Variants in NOLC1 observed in about 807,000 individuals in gnomAD.
The protein encoded by NOLC1 is nucleolar and coiled-body phosphoprotein 1.
A neutral mutation model predicts 73.4 loss-of-function variants in NOLC1; 37 were observed. The ratio of observed to expected loss-of-function variants is 0.50; its 90% confidence interval spans 0.39 to 0.66. The LOEUF is 0.66. Among genes scored for constraint, NOLC1 ranks in the 30% least tolerant of loss-of-function variants. NOLC1 has a pLI of 0.00. For synonymous variants in NOLC1, 327 were observed against 302.6 expected (o/e 1.08, Z -0.84); for missense variants, 921 against 838.9 (o/e 1.10, Z -1.21).
chr10:102,158,939 A>AC (rs2069648244), intron 5 of NOLC1, among the ~76,000 whole-genome samples: 2 of 151,788 alleles, frequency 1.3e-5, no homozygotes, highest in Non-Finnish European at 2.9e-5. Context: ...TACTAAAAAT[A>AC]TAAAAATTAG....
At chr10:102,158,642 AG>A (rs1241865593) in intron 5 of NOLC1, among the ~76,000 whole-genome samples, 2 of 152,040 alleles carry the variant, frequency 1.3e-5, no homozygotes, top group East Asian at 3.9e-4. Flanking sequence ...CTCTGAATGG[AG>A]GTTGAAGTGA....
In NOLC1 at chr10:102,159,211, T is replaced by C; in HGVS notation, c.626T>C (p.Ile209Thr). The C allele has an allele frequency of 1.2e-6, 2 of 1,612,982 alleles. No homozygotes were observed. Among genetic ancestry groups the C allele is most frequent in the Non-Finnish European group, 1.7e-6 (2 of 1,179,794 alleles). The change falls in exon 6 of 13, where the codon ATA (isoleucine) becomes ACA (threonine). Residue 209 changes from isoleucine (I) to threonine (T), a missense_variant. Ile to Thr is a moderately conservative substitution (Grantham distance 89). Coordinates refer to ENST00000605788, the MANE Select transcript of NOLC1 (RefSeq NM_004741.5). ...ATTCCAGCTCGAGCAGCACCTAAAA[T>C]AGCCAATGGTAAAGCAGCCAGTAGC... is the stretch of plus-strand genomic sequence containing the variant. ...PPKPARAAPKIANGKAASSSS... is the reference protein window; with the variant it reads ...PPKPARAAPKTANGKAASSSS...
At position 102,158,213 on chromosome 10, in the gene NOLC1, A is replaced by G. The variant is rs908648107; in HGVS notation, c.606A>G (p.Pro202=). The G allele has an allele frequency of 3.7e-6, 6 of 1,613,534 alleles. No individual in the cohort carries two copies. The highest frequency in any genetic ancestry group is 5.1e-6 in the Non-Finnish European group (6 of 1,179,778). ...CTCAGACTAAAGCCCCTCCCAAACC[A>G]GGTACTGTTTCTGTTCCCAAGAGGC... ...VKAQTKAPPK[P]ARAAPKIANG... is the part of the protein sequence containing the mutation. Residue 202 remains proline, a splice_region_variant and synonymous_variant, in exon 5 of 13, where the codon CCA becomes CCG. Coordinates refer to ENST00000605788, the MANE Select transcript of NOLC1 (RefSeq NM_004741.5).
At chr10:102,158,020 G>GAT in intron 4 of NOLC1, 29 bp from the exon 5 acceptor site, 1 of 1,600,660 alleles carries the variant, frequency 6.2e-7, no homozygotes, top group African/African-American at 1.3e-5. Flanking sequence ...AGCTTTTGCT[G>GAT]ATTTCTCTCC....
At chr10:102,152,823 G>A (rs2069528945) in intron 1 of NOLC1, among the ~76,000 whole-genome samples, 1 of 152,244 alleles carries the variant, frequency 6.6e-6, no homozygotes, top group Admixed American at 6.5e-5. Context: ...AGAGTGCAGC[G>A]GGGAGGTAGA....
In NOLC1 at chr10:102,160,980, C is replaced by G. The variant is rs776271995; in HGVS notation, c.1628C>G (p.Ala543Gly). ...GGCAAGGGCTCTCCAAGACCACAAGCCCCCAAGGCCAATGGCACCTCTGCA... is the reference window on the plus strand; with the variant it reads ...GGCAAGGGCTCTCCAAGACCACAAGGCCCCAAGGCCAATGGCACCTCTGCA... ...LKGKGSPRPQ[A>G]PKANGTSALT... Residue 543 changes from alanine to glycine, a missense_variant, in exon 10 of 13, where the codon GCC becomes GGC. Transcript: ENST00000605788. The G allele has an allele frequency of 1.9e-6, 3 of 1,614,164 alleles. No homozygotes were observed. Among genetic ancestry groups the G allele is most frequent in the African/African-American group, 2.7e-5 (2 of 75,038 alleles).
chr10:102,159,154 C>G (rs1429223693), intron 5 of NOLC1, 39 bp from the exon 6 acceptor site: 2 of 1,606,924 alleles, frequency 1.2e-6, no homozygotes, highest in South Asian at 1.1e-5. Flanking sequence ...CTGACTTGCC[C>G]TAATACTCCT....
At chr10:102,158,547 C>G (rs2069640828) in intron 5 of NOLC1, among the ~76,000 whole-genome samples, 1 of 151,928 alleles carries the variant, frequency 6.6e-6, no homozygotes, top group Non-Finnish European at 1.5e-5. Context: ...TTTTCACTGC[C>G]ATTTTTACTC....
intron 10 of NOLC1, 115 bp downstream of exon 10, chr10:102,161,208 A>C: frequency 9.0e-7 from 1 of 1,112,060 alleles, no homozygotes; most frequent in Non-Finnish European, 1.3e-6. Context: ...CAGTTGTGGA[A>C]ACTGGGAGGA....
At chr10:102,159,056 C>T (rs1285386012) in intron 5 of NOLC1, 137 bp from the exon 6 acceptor site, 1 of 946,034 alleles carries the variant, frequency 1.1e-6, no homozygotes, top group Non-Finnish European at 1.5e-6. Flanking sequence ...CAGAGCCAGA[C>T]TCCGTCTCCA....
chr10:102,161,301 G>A (rs1434649636), intron 10 of NOLC1, among the ~76,000 whole-genome samples: 1 of 151,774 alleles, frequency 6.6e-6, no homozygotes, highest in African/African-American at 2.4e-5. Context: ...GCATGATCAC[G>A]GCTTGTGCAG....
chr10:102,152,842 C>T (rs1455333460), intron 1 of NOLC1, among the ~76,000 whole-genome samples: 2 of 152,196 alleles, frequency 1.3e-5, no homozygotes, highest in African/African-American at 2.4e-5. Context: ...GAGTCTTGTT[C>T]CACTGAGGAC....
Position 102,159,528 on chromosome 10 carries a change from C to T in NOLC1, c.819C>T (p.Asp273=), listed in dbSNP as rs751566182. The part of the protein sequence containing the change: ...KSSSSEDSSS[D]EEEEQKKPMK... The stretch of plus-strand genomic sequence containing the variant: ...CTAGCAGTGAGGATTCCTCCAGTGA[C>T]GAGGAAGAGGAGCAAAAAAAACCCA... The change falls in exon 7 of 13, where the codon GAC becomes GAT. Residue 273 remains aspartate (D), a synonymous_variant. Coordinates refer to ENST00000605788, the MANE Select transcript of NOLC1 (RefSeq NM_004741.5). 1.9e-5 allele frequency: 30 copies of T among 1,613,912 alleles called. No homozygotes were observed. The highest frequency in any genetic ancestry group is 1.3e-4 in the Admixed American group (8 of 59,976).
chr10:102,158,598 T>C (rs2069641956), intron 5 of NOLC1, among the ~76,000 whole-genome samples: 1 of 152,240 alleles, frequency 6.6e-6, no homozygotes, highest in Non-Finnish European at 1.5e-5. Context: ...ATTTTTCTTT[T>C]TTTCTGTAAC....
intron 6 of NOLC1, 45 bp downstream of exon 6, chr10:102,159,353 A>T (rs1564970192): frequency 7.4e-6 from 12 of 1,613,600 alleles, no homozygotes; most frequent in Non-Finnish European, 1.0e-5. Flanking sequence ...CCAGGGTGTG[A>T]TGTGTGTGTG....
At chr10:102,160,111 G>T in intron 8 of NOLC1, 87 bp downstream of exon 8, 1 of 1,587,422 alleles carries the variant, frequency 6.3e-7, no homozygotes, top group Non-Finnish European at 8.6e-7. Context: ...TCCATCCTTC[G>T]GTTGCTTTTT....
intron 5 of NOLC1, 37 bp from the exon 6 acceptor site, chr10:102,159,156 A>T: frequency 1.2e-6 from 2 of 1,609,600 alleles, no homozygotes; most frequent in Non-Finnish European, 1.7e-6. Context: ...GACTTGCCCT[A>T]ATACTCCTTA....
At position 102,159,169 on chromosome 10, in the gene NOLC1, CTTTCTT is replaced by C. The variant is rs1164355226; in HGVS notation, c.608-17_608-12del. The C allele has an allele frequency of 9.4e-6, 15 of 1,595,222 alleles. No homozygotes were observed. The highest frequency in any genetic ancestry group is 1.3e-5 in the Non-Finnish European group (15 of 1,168,634). ...CTGACTTGCCCTAATACTCCTTACT[CTTTCTT>C]TTTCTTGGGTATTCCAGCTCGAGCA... On this transcript the variant is annotated intron_variant, in intron 5 of 12. Coordinates refer to ENST00000605788, the MANE Select transcript of NOLC1 (RefSeq NM_004741.5).
chr10:102,159,219 G>A lies in NOLC1; in HGVS notation c.634G>A (p.Gly212Ser). The change falls in exon 6 of 13, where the codon GGT (glycine) becomes AGT (serine). Residue 212 changes from glycine (G) to serine (S), a missense_variant. Gly to Ser is a moderately conservative substitution (Grantham distance 56). Transcript: ENST00000605788. Reference protein sequence around the residue: ...PARAAPKIANGKAASSSSSSS... With the variant: ...PARAAPKIANSKAASSSSSSS... ...TCGAGCAGCACCTAAAATAGCCAAT[G>A]GTAAAGCAGCCAGTAGCAGCAGTAG... 6.2e-7 allele frequency: 1 copy of A among 1,613,950 alleles called. No individual in the cohort carries two copies. Among genetic ancestry groups the A allele is most frequent in the Non-Finnish European group, 8.5e-7 (1 of 1,180,014 alleles).
Sources: gnomAD v4.1 joint callset for allele counts (sites outside exome capture counted in the v4.1 genomes callset) on GRCh38, gnomAD v4.1.1 for gene constraint, MANE v1.5 for transcripts, NCBI Gene and HGNC (gene_info 2026-07-23, HGNC 2026-07-21) for gene names.